Variants in LSM3 observed in about 807,000 individuals in gnomAD.
LSM3 encodes the protein U6 snRNA-associated Sm-like protein LSm3.
Under a neutral mutation model 15.4 loss-of-function variants are expected in LSM3, and 14 were observed. The observed-to-expected ratio is 0.91, with a 90% CI of 0.60 to 1.42. The LOEUF (loss-of-function observed/expected upper bound fraction) is 1.42. Ranked by LOEUF, LSM3 falls within the 40% of genes most tolerant of loss-of-function variation. The pLI is 0.00. For synonymous variants in LSM3, 46 were observed against 45.1 expected (o/e 1.02, Z -0.08); for missense variants, 88 against 127.9 (o/e 0.69, Z 1.50).
chr3:14,191,186 A>G (rs569125991), intron 3 of LSM3, among the ~76,000 whole-genome samples: 2 of 152,172 alleles, frequency 1.3e-5, no homozygotes, highest in African/African-American at 4.8e-5. Context: ...TCAGCTTGCC[A>G]GTATTTTATT....
chr3:14,188,162 A>G (rs1207749596), intron 3 of LSM3, among the ~76,000 whole-genome samples: 2 of 152,228 alleles, frequency 1.3e-5, no homozygotes, highest in Non-Finnish European at 1.5e-5. Context: ...TACAGGAGCT[A>G]TGAGCCACAT....
chr3:14,192,375 G>C (rs1697147878), intron 3 of LSM3, among the ~76,000 whole-genome samples: 1 of 152,318 alleles, frequency 6.6e-6, no homozygotes, highest in East Asian at 1.9e-4. Context: ...GATATTGACA[G>C]TGGGGTGTTA....
intron 3 of LSM3, among the ~76,000 whole-genome samples, chr3:14,191,539 A>G (rs1236693280): frequency 6.6e-6 from 1 of 152,100 alleles, no homozygotes; most frequent in East Asian, 1.9e-4. Context: ...GAATTTATCC[A>G]TTTCTTCTAG....
At position 14,190,295 on chromosome 3, in the gene LSM3, A is replaced by G. The variant is rs192559736; in HGVS notation, c.228+6263A>G. Among the ~76,000 whole-genome samples the G allele has an allele frequency of 8.7e-4, 133 of 152,262 alleles. 1 individual carries two copies. Among genetic ancestry groups the G allele is most frequent in the African/African-American group, 3.0e-3 (123 of 41,554 alleles). On this transcript the variant is annotated intron_variant, in intron 3 of 3. Coordinates refer to ENST00000306024, the MANE Select transcript of LSM3 (RefSeq NM_014463.3). ...CTATGCAGGCTCTTTTTGGTTTCAT[A>G]TGAAGTTTAAAGTAGTTTTTTTCAA...
chr3:14,187,917 A>C (rs1697103800), intron 3 of LSM3, among the ~76,000 whole-genome samples: 1 of 152,164 alleles, frequency 6.6e-6, no homozygotes, highest in Non-Finnish European at 1.5e-5. Context: ...GACCCAGACT[A>C]CTTTTTCGGC....
chr3:14,188,080 GACCT>G (rs1364321035), intron 3 of LSM3, among the ~76,000 whole-genome samples: 1 of 152,156 alleles, frequency 6.6e-6, no homozygotes, highest in Non-Finnish European at 1.5e-5. Context: ...GGCTCTTCTA[GACCT>G]TTCTGTAGAT....
intron 3 of LSM3, among the ~76,000 whole-genome samples, chr3:14,194,561 A>G (rs528953648): frequency 1.3e-5 from 2 of 152,064 alleles, no homozygotes; most frequent in South Asian, 4.2e-4. Context: ...CATAATGGGC[A>G]CTCTAAATGT....
intron 2 of LSM3, 59 bp from the exon 3 acceptor site, chr3:14,183,878 C>A: frequency 7.5e-7 from 1 of 1,330,690 alleles, no homozygotes; most frequent in Non-Finnish European, 1.0e-6. Flanking sequence ...ATTGTTAAGC[C>A]TTTATCATTT....
At chr3:14,196,321 A>G (rs960571001) in intron 3 of LSM3, among the ~76,000 whole-genome samples, 4 of 152,048 alleles carry the variant, frequency 2.6e-5, no homozygotes, top group Non-Finnish European at 5.9e-5. Flanking sequence ...GCAGAATCCT[A>G]CTTCCCAGAC....
At position 14,181,647 on chromosome 3, in the gene LSM3, C is replaced by A. The variant is rs139645084; in HGVS notation, c.109C>A (p.Arg37=). ...AATTTATGTGAAAATGAGAAATGAC[C>A]GAGAGCTTCGAGGCAGATTACATGT... ...ERIYVKMRND[R]ELRGRLHAYD... Residue 37 remains arginine (R), a synonymous_variant, in exon 2 of 4, where the codon CGA becomes AGA. Transcript: ENST00000306024. 6.2e-6 allele frequency: 10 copies of A among 1,613,176 alleles called. No individual in the cohort carries two copies. Among genetic ancestry groups the A allele is most frequent in the Non-Finnish European group, 7.6e-6 (9 of 1,179,224 alleles).
Position 14,180,820 on chromosome 3 carries a change from C to CTTT in LSM3, c.22-740_22-739insTTT, listed in dbSNP as rs1436714313. On this transcript the variant is annotated intron_variant, in intron 1 of 3. Transcript: ENST00000306024. ...TGACTCCAAAGCCAGTGCTTGCTTG[C>CTTT]CTTTTTTTTTTTTTTTTTTTTTTTT... Among the ~76,000 whole-genome samples the CTTT allele has an allele frequency of 1.5e-3, 78 of 51,400 alleles. 11 individuals are homozygous for CTTT. The highest frequency in any genetic ancestry group is 1.9e-3 in the Non-Finnish European group (53 of 27,316). 33.7% of individuals were successfully genotyped at this position (51,400 alleles called of 152,430 possible).
In LSM3 at chr3:14,183,931, C is replaced by T. The variant is rs751265160; in HGVS notation, c.133-6C>T. 2 of 1,597,070 alleles carry T rather than the reference C, an allele frequency of 1.3e-6. No individual in the cohort carries two copies. Among genetic ancestry groups the T allele is most frequent in the Middle Eastern group, 2.3e-4 (1 of 4,388 alleles). On this transcript the variant is annotated splice_region_variant and splice_polypyrimidine_tract_variant and intron_variant, in intron 2 of 3. Coordinates refer to ENST00000306024, the MANE Select transcript of LSM3 (RefSeq NM_014463.3). ...AATTTCTTGGTTCTGTACCCTCCCA[C>T]TTTAGGCTTATGATCAACATTTAAA...
chr3:14,196,286 G>A (rs915307564), intron 3 of LSM3, among the ~76,000 whole-genome samples: 1 of 152,042 alleles, frequency 6.6e-6, no homozygotes, highest in African/African-American at 2.4e-5. Flanking sequence ...CCAAGTTGCT[G>A]CAGAGATCAA....
chr3:14,182,511 G>A (rs1280053607), intron 2 of LSM3, among the ~76,000 whole-genome samples: 1 of 150,920 alleles, frequency 6.6e-6, no homozygotes, highest in African/African-American at 2.4e-5. Flanking sequence ...ATATTTCTTT[G>A]TGCATATCTG....
At chr3:14,185,281 G>A (rs1697078143) in intron 3 of LSM3, among the ~76,000 whole-genome samples, 1 of 152,190 alleles carries the variant, frequency 6.6e-6, no homozygotes, top group South Asian at 2.1e-4. Flanking sequence ...GAACCTGGGA[G>A]GTAGAGGTTG....
At chr3:14,179,003 G>C in intron 1 of LSM3, 122 bp downstream of exon 1, 2 of 1,086,478 alleles carry the variant, frequency 1.8e-6, no homozygotes, top group Non-Finnish European at 2.8e-6. Flanking sequence ...AATCCACCCT[G>C]TCCTTTCCGT....
chr3:14,190,003 G>A (rs1042440687), intron 3 of LSM3, among the ~76,000 whole-genome samples: 3 of 152,134 alleles, frequency 2.0e-5, no homozygotes, highest in African/African-American at 7.2e-5. Context: ...TCCAGTTTCA[G>A]TTTTCTGCAT....
rs371832195 is a variant in LSM3 at position 14,198,556 on chromosome 3, GT to G, written c.*444del. The G allele has an allele frequency of 4.8e-3, 760 of 159,834 alleles. 9 individuals carry two copies. Among genetic ancestry groups the G allele is most frequent in the African/African-American group, 0.017 (721 of 41,618 alleles). 9.9% of individuals were successfully genotyped at this position (159,834 alleles called of 1,614,324 possible). Reference sequence around the variant, plus strand: ...CCAGGTTTGAGTGCTGGGAACCAGAGTTTTATCAAAATGCTTTCTGGGCCAG... The same window carrying G: ...CCAGGTTTGAGTGCTGGGAACCAGAGTTTATCAAAATGCTTTCTGGGCCAG... On this transcript the variant is annotated 3_prime_UTR_variant, in exon 4 of 4. Coordinates refer to ENST00000306024, the MANE Select transcript of LSM3 (RefSeq NM_014463.3).
chr3:14,192,517 TC>T (rs1170096442), intron 3 of LSM3, among the ~76,000 whole-genome samples: 2 of 152,226 alleles, frequency 1.3e-5, no homozygotes, highest in Admixed American at 1.3e-4. Context: ...GCTGCATTGT[TC>T]CCTTTACCAT....
Sources: allele counts gnomAD v4.1 joint callset (sites outside exome capture counted in the v4.1 genomes callset), GRCh38; gene constraint gnomAD v4.1.1; transcripts MANE v1.5; gene names NCBI Gene and HGNC (gene_info 2026-07-23, HGNC 2026-07-21).